Variants in PTPRJ observed in about 807,000 individuals in gnomAD.
PTPRJ encodes the protein protein tyrosine phosphatase receptor type J.
A neutral mutation model predicts 141.3 loss-of-function variants in PTPRJ; 129 were observed. The observed-to-expected ratio is 0.91, with a 90% CI of 0.79 to 1.06. PTPRJ has a LOEUF of 1.06. PTPRJ is among the 50% of genes least tolerant of loss of function. The pLI, the probability that PTPRJ is intolerant of heterozygous loss-of-function variation, is 0.00. For synonymous variants in PTPRJ, 610 were observed against 640.5 expected, an observed-to-expected ratio of 0.95 and a Z score of 0.72; for missense variants, 1,601 against 1,679.7, an observed-to-expected ratio of 0.95 and a Z score of 0.82.
intron 1 of PTPRJ, among the ~76,000 whole-genome samples, chr11:48,005,168 GC>G (rs1460561504): frequency 1.3e-5 from 2 of 152,020 alleles, no homozygotes; most frequent in Non-Finnish European, 2.9e-5. Context: ...GTTGCAGTGA[GC>G]AGAGATCATG....
chr11:48,156,327 T>C (rs1050547823), intron 21 of PTPRJ, among the ~76,000 whole-genome samples: 1 of 152,182 alleles, frequency 6.6e-6, no homozygotes, highest in Non-Finnish European at 1.5e-5. Flanking sequence ...ATTATCTTTT[T>C]TTTGGACAAA....
intron 1 of PTPRJ, among the ~76,000 whole-genome samples, chr11:48,084,726 G>T (rs1452763126): frequency 6.6e-6 from 1 of 152,140 alleles, no homozygotes; most frequent in Non-Finnish European, 1.5e-5. Context: ...GAAACTTGGA[G>T]TACGTAGTGT....
intron 1 of PTPRJ, among the ~76,000 whole-genome samples, chr11:48,032,932 T>A: frequency 6.6e-6 from 1 of 151,944 alleles, no homozygotes; most frequent in Non-Finnish European, 1.5e-5. Context: ...GAAACAAAAG[T>A]GTAGGCTGGG....
At chr11:48,069,466 T>G (rs61914735) in intron 1 of PTPRJ, among the ~76,000 whole-genome samples, 1 of 119,528 alleles carries the variant, frequency 8.4e-6, no homozygotes, top group African/African-American at 3.8e-5. Context: ...TTTTTTTTTT[T>G]GGAGATGGAG....
In PTPRJ at chr11:48,167,459, T is replaced by G. The variant is rs1325960971; in HGVS notation, c.*97T>G. 1 of 1,351,180 alleles carries G rather than the reference T, an allele frequency of 7.4e-7. No homozygotes were observed. The highest frequency in any genetic ancestry group is 1.5e-5 in the African/African-American group (1 of 67,996). The allele number at this position is 1,351,180 out of a possible 1,614,324, so 83.7% of individuals were successfully genotyped here. On this transcript the variant is annotated 3_prime_UTR_variant, in exon 25 of 25. Transcript: ENST00000418331. ...GACATGTTTTTATATGTCTAATATC[T>G]TAATTCTTTGTTCTGTTTTGTGAGA...
chr11:47,983,465 C>G (rs1203625560), intron 1 of PTPRJ, among the ~76,000 whole-genome samples: 7 of 152,144 alleles, frequency 4.6e-5, no homozygotes, highest in Non-Finnish European at 7.3e-5. Context: ...AAAGACACAG[C>G]TCTGTTTGGA....
chr11:48,008,200 G>A (rs1041358926), intron 1 of PTPRJ, among the ~76,000 whole-genome samples: 13 of 152,178 alleles, frequency 8.5e-5, no homozygotes, highest in African/African-American at 2.2e-4. Context: ...GAGCCCATGC[G>A]TGGACCCTTA....
chr11:47,994,673 A>C (rs1386816245), intron 1 of PTPRJ, among the ~76,000 whole-genome samples: 2 of 152,074 alleles, frequency 1.3e-5, no homozygotes, highest in African/African-American at 2.4e-5. Flanking sequence ...TCAAAAAAAT[A>C]AATAAATAAA....
At chr11:48,137,413 T>C (rs951485281) in intron 10 of PTPRJ, 132 bp downstream of exon 10, 119 of 949,886 alleles carry the variant, frequency 1.3e-4, no homozygotes, top group Non-Finnish European at 1.6e-4. Flanking sequence ...TTCCGAGGCA[T>C]CCTGTTAGCT....
intron 1 of PTPRJ, among the ~76,000 whole-genome samples, chr11:48,064,307 T>G (rs1398621973): frequency 6.6e-6 from 1 of 152,192 alleles, no homozygotes; most frequent in Non-Finnish European, 1.5e-5. Flanking sequence ...TGGCCCTTCC[T>G]TAAGGACCTG....
intron 1 of PTPRJ, among the ~76,000 whole-genome samples, chr11:48,062,404 T>C (rs1212884181): frequency 6.6e-6 from 1 of 151,710 alleles, no homozygotes; most frequent in African/African-American, 2.4e-5. Context: ...TACCAGCTAC[T>C]TGGGAGGCTG....
chr11:48,134,584 ATT>A (rs202230036), intron 8 of PTPRJ, among the ~76,000 whole-genome samples: 2 of 151,952 alleles, frequency 1.3e-5, no homozygotes, highest in Non-Finnish European at 2.9e-5. Flanking sequence ...ACATGGCACA[ATT>A]TTTTTTGTTT....
chr11:48,124,902 C>T (rs748886405), intron 5 of PTPRJ, 66 bp from the exon 6 acceptor site: 89 of 1,525,770 alleles, frequency 5.8e-5, no homozygotes, highest in South Asian at 2.6e-4. Context: ...GTTGGGGCTC[C>T]GAAGGAAAAT....
intron 1 of PTPRJ, among the ~76,000 whole-genome samples, chr11:48,095,356 A>G (rs1183404165): frequency 1.3e-5 from 2 of 152,024 alleles, no homozygotes; most frequent in African/African-American, 4.8e-5. Flanking sequence ...GAAGAGAGCA[A>G]CTCTTTCTGT....
At chr11:48,137,789 G>T (rs1442466820) in intron 10 of PTPRJ, among the ~76,000 whole-genome samples, 1 of 152,164 alleles carries the variant, frequency 6.6e-6, no homozygotes, top group Non-Finnish European at 1.5e-5. Flanking sequence ...CCTGAGTGGG[G>T]CTGAGCCAGG....
intron 1 of PTPRJ, among the ~76,000 whole-genome samples, chr11:48,101,282 A>C (rs999413965): frequency 6.6e-6 from 1 of 152,028 alleles, no homozygotes; most frequent in Non-Finnish European, 1.5e-5. Context: ...CTCAGGCCTG[A>C]CTTCAAGTCC....
Position 47,981,254 on chromosome 11 carries a change from C to T in PTPRJ, c.96+246C>T, listed in dbSNP as rs1315543724. Among the ~76,000 whole-genome samples, 3 of 152,158 alleles carry T rather than the reference C, an allele frequency of 2.0e-5. No homozygotes were observed. The East Asian group carries it at 5.8e-4, about 29-fold the overall frequency. ...CCGGGTGCCGCGGTGCCCGAGCCTCCCGGGGAAAGCCTCCGCGCGGGCTCC... is the reference window on the plus strand; with the variant it reads ...CCGGGTGCCGCGGTGCCCGAGCCTCTCGGGGAAAGCCTCCGCGCGGGCTCC... On this transcript the variant is annotated intron_variant, in intron 1 of 24. Transcript: ENST00000418331.
At chr11:48,028,659 C>T (rs942207176) in intron 1 of PTPRJ, among the ~76,000 whole-genome samples, 9 of 152,106 alleles carry the variant, frequency 5.9e-5, no homozygotes, top group South Asian at 2.1e-4. Context: ...GGTGTGGTGG[C>T]GGGCACCCAT....
intron 1 of PTPRJ, among the ~76,000 whole-genome samples, chr11:48,033,547 C>T (rs1211110584): frequency 6.6e-6 from 1 of 152,176 alleles, no homozygotes; most frequent in East Asian, 1.9e-4. Context: ...GACATCTAAT[C>T]TGTATCTGCG....
Sources: allele counts gnomAD v4.1 joint callset (sites outside exome capture counted in the v4.1 genomes callset), GRCh38; gene constraint gnomAD v4.1.1; transcripts MANE v1.5; gene names NCBI Gene and HGNC (gene_info 2026-07-23, HGNC 2026-07-21).